The following FHIT variants were observed in gnomAD, a reference collection of about 807,000 sequenced individuals.
The protein encoded by FHIT is bis(5'-adenosyl)-triphosphatase.
FHIT carries 19 observed loss-of-function variants against 17.9 expected under a neutral mutation model. The ratio of observed to expected loss-of-function variants is 1.06; its 90% CI spans 0.74 to 1.56. FHIT has a LOEUF of 1.56. Among genes scored for constraint, FHIT ranks in the 40% most tolerant of loss-of-function variants. The pLI is 0.00. For synonymous variants in FHIT, 81 were observed against 69.7 expected (o/e 1.16, Z -0.81); for missense variants, 248 against 189.2 (o/e 1.31, Z -1.82).
intron 4 of FHIT, among the ~76,000 whole-genome samples, chr3:60,779,940 G>A (rs1700330546): frequency 6.6e-6 from 1 of 152,204 alleles, no homozygotes; most frequent in African/African-American, 2.4e-5. Context: ...GCATACGTGG[G>A]TAAGAGCGGA....
At chr3:60,145,153 A>C (rs943098305) in intron 5 of FHIT, among the ~76,000 whole-genome samples, 5 of 127,706 alleles carry the variant, frequency 3.9e-5, no homozygotes, top group Non-Finnish European at 6.5e-5. Flanking sequence ...GTCCACCTAC[A>C]ATTTTTTTTT....
chr3:60,922,061 C>G (rs1707314869), intron 3 of FHIT, among the ~76,000 whole-genome samples: 1 of 152,208 alleles, frequency 6.6e-6, no homozygotes, highest in Non-Finnish European at 1.5e-5. Context: ...ATTCATTACA[C>G]AGGAGGCAAA....
At chr3:61,144,539 T>C (rs2037173912) in intron 2 of FHIT, among the ~76,000 whole-genome samples, 1 of 152,202 alleles carries the variant, frequency 6.6e-6, no homozygotes, top group Non-Finnish European at 1.5e-5. Context: ...TGTTTTTAAT[T>C]CTCTTGGGTA....
chr3:59,970,243 A>AG (rs1163737972), intron 7 of FHIT, among the ~76,000 whole-genome samples: 1 of 152,164 alleles, frequency 6.6e-6, no homozygotes, highest in Non-Finnish European at 1.5e-5. Flanking sequence ...TAGGTCTTTA[A>AG]GGGGGAAAAT....
chr3:60,417,038 G>A (rs907247058), intron 5 of FHIT, among the ~76,000 whole-genome samples: 1 of 150,724 alleles, frequency 6.6e-6, no homozygotes, highest in African/African-American at 2.4e-5. Context: ...GCAGTGAGCC[G>A]AGATCGCACC....
rs186880259 is a variant in FHIT at position 61,036,321 on chromosome 3, C to A, written c.-111+5726G>T. On this transcript the variant is annotated intron_variant, in intron 3 of 9. Coordinates refer to ENST00000492590, the MANE Select transcript of FHIT (RefSeq NM_002012.4). ...AGCTATTCATGAGGGATCAGCCCCC[C>A]CTGATCTAATCACCCCCTACCAGGC... 1.7e-4 allele frequency among the ~76,000 whole-genome samples: 25 copies of A among 151,196 alleles called. No homozygotes were observed. The East Asian group carries it at 3.3e-3, about 20-fold the overall frequency.
At chr3:60,717,321 T>A (rs372263188) in intron 4 of FHIT, among the ~76,000 whole-genome samples, 1 of 152,324 alleles carries the variant, frequency 6.6e-6, no homozygotes, top group South Asian at 2.1e-4. Context: ...ATTTAAGATC[T>A]ACTCTCACCA....
intron 5 of FHIT, among the ~76,000 whole-genome samples, chr3:60,416,267 C>T (rs1702245579): frequency 6.6e-6 from 1 of 152,062 alleles, no homozygotes; most frequent in Non-Finnish European, 1.5e-5. Context: ...TAGGTATTCT[C>T]TCTCATAAAC....
intron 4 of FHIT, among the ~76,000 whole-genome samples, chr3:60,569,747 A>AT (rs1229124163): frequency 3.3e-5 from 2 of 61,212 alleles, no homozygotes; most frequent in African/African-American, 6.1e-5. Flanking sequence ...ATATATATAT[A>AT]TATATATATT....
chr3:60,364,689 T>A (rs1195423819), intron 5 of FHIT, among the ~76,000 whole-genome samples: 1 of 152,218 alleles, frequency 6.6e-6, no homozygotes, highest in Non-Finnish European at 1.5e-5. Flanking sequence ...TAAACATTAT[T>A]TCTGTGTGTA....
chr3:60,772,473 A>G (rs9842407), intron 4 of FHIT, among the ~76,000 whole-genome samples: 92,620 of 151,922 alleles, frequency 0.61, 30,838 homozygotes, highest in African/African-American at 0.89. Flanking sequence ...CATCATCTTT[A>G]TAAATGTTGT....
chr3:60,246,153 C>T (rs1559758388), intron 5 of FHIT, among the ~76,000 whole-genome samples: 1 of 151,668 alleles, frequency 6.6e-6, no homozygotes, highest in African/African-American at 2.4e-5. Flanking sequence ...GTAATACAGG[C>T]AAATGAGGTA....
intron 5 of FHIT, among the ~76,000 whole-genome samples, chr3:60,401,670 C>G (rs771307767): frequency 1.3e-5 from 2 of 152,132 alleles, no homozygotes; most frequent in African/African-American, 2.4e-5. Flanking sequence ...ATAAGTAATC[C>G]CATTACTAAA....
intron 5 of FHIT, among the ~76,000 whole-genome samples, chr3:60,390,396 T>TAAAAAAAAAAAAAAAAAAAAAA (rs869078939): frequency 1.9e-4 from 6 of 32,028 alleles, no homozygotes; most frequent in African/African-American, 7.3e-4. Flanking sequence ...GTAATGGAGC[T>TAAAAAAAAAAAAAAAAAAAAAA]AAAAAAAAAA....
intron 5 of FHIT, among the ~76,000 whole-genome samples, chr3:60,190,576 G>T (rs373693568): frequency 6.6e-6 from 1 of 151,706 alleles, no homozygotes; most frequent in Non-Finnish European, 1.5e-5. Flanking sequence ...TGGTGAAACC[G>T]TGTCTCTACT....
intron 4 of FHIT, among the ~76,000 whole-genome samples, chr3:60,684,937 T>A (rs547654394): frequency 6.6e-6 from 1 of 152,242 alleles, no homozygotes; most frequent in South Asian, 2.1e-4. Context: ...ACAAAAAATA[T>A]ACTCTGAGCT....
chr3:60,224,665 G>A (rs1293367408), intron 5 of FHIT, among the ~76,000 whole-genome samples: 1 of 151,828 alleles, frequency 6.6e-6, no homozygotes. Flanking sequence ...ATGAGGGCAG[G>A]GATGTGCCTT....
intron 4 of FHIT, among the ~76,000 whole-genome samples, chr3:60,793,180 A>G (rs532803325): frequency 3.8e-4 from 58 of 152,330 alleles, no homozygotes; most frequent in Non-Finnish European, 7.5e-4. Flanking sequence ...TTTTATTTAC[A>G]TACATATGAC....
chr3:60,338,997 A>G (rs749126754), intron 5 of FHIT, among the ~76,000 whole-genome samples: 1 of 152,122 alleles, frequency 6.6e-6, no homozygotes, highest in East Asian at 1.9e-4. Flanking sequence ...AAAGGAGGGG[A>G]CCCACAGAAG....
Sources: gnomAD v4.1 joint callset for allele counts (sites outside exome capture counted in the v4.1 genomes callset) on GRCh38, gnomAD v4.1.1 for gene constraint, MANE v1.5 for transcripts, NCBI Gene and HGNC (gene_info 2026-07-23, HGNC 2026-07-21) for gene names.